The following FSIP1 variants were observed in gnomAD, a reference collection of about 807,000 sequenced individuals.
FSIP1 encodes the protein fibrous sheath-interacting protein 1.
In FSIP1, 65 loss-of-function variants were observed where a neutral mutation model predicts 60.9. That is an observed-to-expected ratio of 1.07 (90% CI 0.87 to 1.31). FSIP1 has a LOEUF of 1.31. Among genes scored for constraint, FSIP1 ranks in the 40% most tolerant of loss-of-function variants. FSIP1 has a pLI of 0.00. For synonymous variants in FSIP1, 209 were observed against 221.2 expected (o/e 0.94, Z 0.49); for missense variants, 675 against 665.5 (o/e 1.01, Z -0.16).
At chr15:39,652,875 A>T (rs183919908) in intron 10 of FSIP1, among the ~76,000 whole-genome samples, 29 of 152,156 alleles carry the variant, frequency 1.9e-4, no homozygotes, top group Non-Finnish European at 8.8e-5. Context: ...AGTTAAAAAT[A>T]TTTTTTTAAC....
At chr15:39,678,898 G>T (rs1366964315) in intron 10 of FSIP1, among the ~76,000 whole-genome samples, 1 of 152,104 alleles carries the variant, frequency 6.6e-6, no homozygotes, top group African/African-American at 2.4e-5. Context: ...CCAGCAAAAG[G>T]TTTTTAGGTT....
intron 1 of FSIP1, among the ~76,000 whole-genome samples, chr15:39,781,091 T>A (rs1201377058): frequency 6.6e-6 from 1 of 152,126 alleles, no homozygotes; most frequent in Non-Finnish European, 1.5e-5. Flanking sequence ...AACACATATC[T>A]GACAAAGGAC....
chr15:39,646,294 C>G (rs976004524), intron 10 of FSIP1, among the ~76,000 whole-genome samples: 6 of 151,866 alleles, frequency 4.0e-5, no homozygotes, highest in Non-Finnish European at 5.9e-5. Context: ...GCTTCTTCAC[C>G]CTTCACTTGT....
At chr15:39,712,514 C>CA (rs1319017480) in intron 10 of FSIP1, among the ~76,000 whole-genome samples, 2 of 152,116 alleles carry the variant, frequency 1.3e-5, no homozygotes, top group Non-Finnish European at 2.9e-5. Flanking sequence ...AAGAATATGG[C>CA]AACAAACTAG....
intron 10 of FSIP1, among the ~76,000 whole-genome samples, chr15:39,629,571 G>A (rs1014841409): frequency 5.3e-5 from 8 of 152,016 alleles, no homozygotes; most frequent in Admixed American, 1.3e-4. Flanking sequence ...CTCTGCCTGC[G>A]CACACCCTCC....
intron 11 of FSIP1, among the ~76,000 whole-genome samples, chr15:39,601,898 T>C (rs1224812125): frequency 6.6e-6 from 1 of 150,396 alleles, no homozygotes; most frequent in Non-Finnish European, 1.5e-5. Context: ...TTGGGGAAAA[T>C]GGGAAGTGAT....
At chr15:39,608,216 A>G (rs999419982) in intron 11 of FSIP1, among the ~76,000 whole-genome samples, 1 of 152,224 alleles carries the variant, frequency 6.6e-6, no homozygotes, top group African/African-American at 2.4e-5. Context: ...CACCTTAATC[A>G]TAGTCACAGG....
intron 9 of FSIP1, among the ~76,000 whole-genome samples, chr15:39,715,434 A>G (rs1160449583): frequency 6.6e-6 from 1 of 152,128 alleles, no homozygotes; most frequent in Admixed American, 6.5e-5. Context: ...CTGCATCCCA[A>G]TGCAAACTAT....
At chr15:39,734,722 A>G (rs1223545189) in intron 8 of FSIP1, among the ~76,000 whole-genome samples, 1 of 152,188 alleles carries the variant, frequency 6.6e-6, no homozygotes, top group Non-Finnish European at 1.5e-5. Flanking sequence ...AATATGATAA[A>G]TAAAATATAA....
chr15:39,704,381 C>T (rs1595635855), intron 10 of FSIP1, among the ~76,000 whole-genome samples: 1 of 152,208 alleles, frequency 6.6e-6, no homozygotes, highest in South Asian at 2.1e-4. Context: ...TAACCACAAA[C>T]ATGTCAGGTC....
At chr15:39,761,797 T>C (rs571685096) in intron 5 of FSIP1, among the ~76,000 whole-genome samples, 1 of 152,352 alleles carries the variant, frequency 6.6e-6, no homozygotes, top group South Asian at 2.1e-4. Flanking sequence ...TTATTCTATA[T>C]TGTATTCATA....
At chr15:39,685,695 C>G (rs1345709536) in intron 10 of FSIP1, among the ~76,000 whole-genome samples, 1 of 152,138 alleles carries the variant, frequency 6.6e-6, no homozygotes, top group Non-Finnish European at 1.5e-5. Context: ...CTGAACACAT[C>G]TCATCTGAAA....
At chr15:39,668,502 A>C (rs1280205105) in intron 10 of FSIP1, among the ~76,000 whole-genome samples, 2 of 152,244 alleles carry the variant, frequency 1.3e-5, no homozygotes, top group Non-Finnish European at 2.9e-5. Context: ...AGCATTTTGC[A>C]GCTTGACTTC....
At chr15:39,705,069 G>T (rs1198849551) in intron 10 of FSIP1, among the ~76,000 whole-genome samples, 2 of 152,108 alleles carry the variant, frequency 1.3e-5, no homozygotes, top group South Asian at 2.1e-4. Flanking sequence ...ACAGAAAAAA[G>T]ACCTAAAAAG....
chr15:39,712,933 AG>A lies in FSIP1; in HGVS notation c.1188+510del, dbSNP rs1332844553. On this transcript the variant is annotated intron_variant, in intron 10 of 11. Coordinates refer to ENST00000350221, the MANE Select transcript of FSIP1 (RefSeq NM_152597.5). ...AATTTAAGCTATAAGTTCAAAACATAGGGAAGATTTTAGGGAGAACTACCAA... is the reference window on the plus strand; with the variant it reads ...AATTTAAGCTATAAGTTCAAAACATAGGAAGATTTTAGGGAGAACTACCAA... 5.9e-5 allele frequency among the ~76,000 whole-genome samples: 9 copies of A among 152,340 alleles called. 1 individual carries two copies. The South Asian group carries it at 1.9e-3, about 32-fold the overall frequency.
At chr15:39,728,323 T>C (rs1896276574) in intron 8 of FSIP1, among the ~76,000 whole-genome samples, 1 of 152,202 alleles carries the variant, frequency 6.6e-6, no homozygotes, top group African/African-American at 2.4e-5. Context: ...AGAGCCTGGA[T>C]AGCCAAGGCA....
intron 10 of FSIP1, among the ~76,000 whole-genome samples, chr15:39,711,676 CTTTTT>C (rs66840718): frequency 1.2e-5 from 1 of 85,734 alleles, no homozygotes; most frequent in Non-Finnish European, 2.0e-5. Flanking sequence ...ATTCCTACTT[CTTTTT>C]TTTTTTTTTT....
chr15:39,631,954 T>A (rs923203453), intron 10 of FSIP1, among the ~76,000 whole-genome samples: 1 of 152,186 alleles, frequency 6.6e-6, no homozygotes, highest in African/African-American at 2.4e-5. Flanking sequence ...ATGTTAATAT[T>A]TTCTCCTTTG....
intron 7 of FSIP1, among the ~76,000 whole-genome samples, chr15:39,739,038 G>T (rs933292991): frequency 1.3e-5 from 2 of 152,216 alleles, no homozygotes; most frequent in Admixed American, 1.3e-4. Flanking sequence ...ATTTCTTGTT[G>T]TAAATTAATT....
Sources: gnomAD v4.1 joint callset for allele counts (sites outside exome capture counted in the v4.1 genomes callset) on GRCh38, gnomAD v4.1.1 for gene constraint, MANE v1.5 for transcripts, NCBI Gene and HGNC (gene_info 2026-07-23, HGNC 2026-07-21) for gene names.